FRRS1L: variants seen among roughly 807,000 people sequenced by gnomAD.
FRRS1L encodes the protein DOMON domain-containing protein FRRS1L.
A neutral mutation model predicts 28.6 loss-of-function variants in FRRS1L; 22 were observed. The ratio of observed to expected loss-of-function variants is 0.77; its 90% CI spans 0.55 to 1.10. The LOEUF (loss-of-function observed/expected upper bound fraction) is 1.10, where lower values mean the gene tolerates loss of function less well. FRRS1L is among the 50% of genes least tolerant of loss of function. The pLI is 0.00. For missense variants in FRRS1L, 380 were observed against 386.9 expected, an observed-to-expected ratio of 0.98 and a Z score of 0.15; for synonymous variants, 158 against 151.4, an observed-to-expected ratio of 1.04 and a Z score of -0.32.
chr9:109,131,533 A>C lies in FRRS1L; in HGVS notation c.*5922T>G, dbSNP rs1831056427. The C allele has an allele frequency of 6.6e-6, 1 of 152,248 alleles. No individual in the cohort carries two copies. The highest frequency in any genetic ancestry group is 6.5e-5 in the Admixed American group (1 of 15,286). 9.4% of individuals were successfully genotyped at this position (152,248 alleles called of 1,614,324 possible). On this transcript the variant is annotated 3_prime_UTR_variant, in exon 5 of 5. Transcript: ENST00000561981. ...AAACACACACCATCATGTATGTACA[A>C]ATATACACATGCTCCTCAAGTTACA...
At chr9:109,160,762 C>T (rs1376846918) in intron 1 of FRRS1L, among the ~76,000 whole-genome samples, 1 of 151,334 alleles carries the variant, frequency 6.6e-6, no homozygotes, top group East Asian at 1.9e-4. Context: ...ACTCCTTCTG[C>T]CCTGCCGCCA....
intron 4 of FRRS1L, 119 bp downstream of exon 4, chr9:109,141,224 C>G: frequency 1.8e-6 from 2 of 1,122,950 alleles, no homozygotes; most frequent in Non-Finnish European, 2.6e-6. Context: ...ATCTCCTTTT[C>G]CTTTAAATGA....
Position 109,137,392 on chromosome 9 carries a change from T to C in FRRS1L, c.*63A>G. ...AGCTAAAATTATACTGGATATTCTT[T>C]AAAAAATATATTTATACTAAAGACT... is the stretch of plus-strand genomic sequence containing the variant. On this transcript the variant is annotated 3_prime_UTR_variant, in exon 5 of 5. Coordinates refer to ENST00000561981, the MANE Select transcript of FRRS1L (RefSeq NM_014334.4). 1 of 1,057,054 alleles carries C rather than the reference T, an allele frequency of 9.5e-7. No individual in the cohort carries two copies. Among genetic ancestry groups the C allele is most frequent in the Middle Eastern group, 2.4e-4 (1 of 4,254 alleles). 65.5% of individuals were successfully genotyped at this position (1,057,054 alleles called of 1,614,324 possible).
At chr9:109,153,529 A>G (rs1461254489) in intron 1 of FRRS1L, among the ~76,000 whole-genome samples, 1 of 152,178 alleles carries the variant, frequency 6.6e-6, no homozygotes, top group Non-Finnish European at 1.5e-5. Context: ...CCTGAGTTGT[A>G]TCCTTTATAA....
intron 1 of FRRS1L, chr9:109,151,508 G>A: frequency 5.1e-6 from 1 of 195,188 alleles, no homozygotes; most frequent in East Asian, 1.4e-4. Context: ...CGCTCCTTAT[G>A]AGAATCTAAT....
In FRRS1L at chr9:109,146,151, C is replaced by T. The variant is rs1000376939; in HGVS notation, c.462+900G>A. Among the ~76,000 whole-genome samples, 4 of 152,246 alleles carry T rather than the reference C, an allele frequency of 2.6e-5. No individual in the cohort carries two copies. The South Asian group carries it at 8.3e-4, about 32-fold the overall frequency. On this transcript the variant is annotated intron_variant, in intron 3 of 4. Transcript: ENST00000561981. ...GGTGCAGGCTGCAATGAGCCAAGGT[C>T]ACACCATTGCACTCCAGCCTGGGCA...
chr9:109,149,175 C>T (rs940982053), intron 2 of FRRS1L, among the ~76,000 whole-genome samples: 7 of 152,196 alleles, frequency 4.6e-5, no homozygotes, highest in African/African-American at 1.4e-4. Context: ...TAGAGACTCA[C>T]CATGCCTGAG....
intron 1 of FRRS1L, among the ~76,000 whole-genome samples, chr9:109,164,065 C>T (rs1191480111): frequency 6.6e-6 from 1 of 152,204 alleles, no homozygotes; most frequent in African/African-American, 2.4e-5. Flanking sequence ...TCCTCAGCCC[C>T]CGCTTTTAAG....
rs185550474 is a variant in FRRS1L at position 109,143,825 on chromosome 9, T to A, written c.463-2236A>T. On this transcript the variant is annotated intron_variant, in intron 3 of 4. Coordinates refer to ENST00000561981, the MANE Select transcript of FRRS1L (RefSeq NM_014334.4). The stretch of plus-strand genomic sequence containing the variant: ...CGCCCGGCTAATAATGTACCATTTT[T>A]AAAAAGTTAAACGCTTTTAAAAAGG... 3.3e-5 allele frequency among the ~76,000 whole-genome samples: 5 copies of A among 152,224 alleles called. No individual in the cohort carries two copies. In the East Asian group the frequency reaches 9.7e-4, roughly 29 times the overall value.
Position 109,151,488 on chromosome 9 carries a change from G to T in FRRS1L, c.239-1768C>A, listed in dbSNP as rs193107021. 7.6e-5 allele frequency: 13 copies of T among 171,762 alleles called. No individual in the cohort carries two copies. The East Asian group carries it at 2.0e-3, about 26-fold the overall frequency. 10.6% of individuals were successfully genotyped at this position (171,762 alleles called of 1,614,324 possible). The stretch of plus-strand genomic sequence containing the variant: ...ATTGTGAACTGCATATGTGAAGGAT[G>T]TAGGTTGTACGCTCCTTATGAGAAT... On this transcript the variant is annotated intron_variant, in intron 1 of 4. Transcript: ENST00000561981.
chr9:109,154,323 G>A (rs982816694), intron 1 of FRRS1L, among the ~76,000 whole-genome samples: 6 of 152,110 alleles, frequency 3.9e-5, no homozygotes, highest in African/African-American at 9.7e-5. Flanking sequence ...CTCCAGTCCC[G>A]CAACTTCTTG....
chr9:109,159,944 C>T (rs1831460087), intron 1 of FRRS1L, among the ~76,000 whole-genome samples: 1 of 152,186 alleles, frequency 6.6e-6, no homozygotes, highest in African/African-American at 2.4e-5. Context: ...TACATAGATA[C>T]ATATCCTATT....
At chr9:109,153,925 T>C (rs958842990) in intron 1 of FRRS1L, among the ~76,000 whole-genome samples, 1 of 152,364 alleles carries the variant, frequency 6.6e-6, no homozygotes, top group Non-Finnish European at 1.5e-5. Context: ...CTGAGTACTC[T>C]GCAAACCATT....
intron 1 of FRRS1L, among the ~76,000 whole-genome samples, chr9:109,152,390 C>T (rs75544019): frequency 0.024 from 3,617 of 152,012 alleles, 58 homozygotes; most frequent in East Asian, 0.092. Context: ...CCTCGTGATC[C>T]GCCTGCCTCA....
At chr9:109,149,357 T>C (rs905893015) in intron 2 of FRRS1L, among the ~76,000 whole-genome samples, 4 of 152,210 alleles carry the variant, frequency 2.6e-5, no homozygotes, top group African/African-American at 9.6e-5. Context: ...CACATGAGTC[T>C]TCTGCATATC....
Position 109,141,428 on chromosome 9 carries a change from G to T in FRRS1L, c.624C>A (p.Arg208=), listed in dbSNP as rs774532898. 2 of 1,614,052 alleles carry T rather than the reference G, an allele frequency of 1.2e-6. No homozygotes were observed. Among genetic ancestry groups the T allele is most frequent in the Non-Finnish European group, 1.7e-6 (2 of 1,179,950 alleles). Residue 208 remains arginine (R), a synonymous_variant, in exon 4 of 5, where the codon CGC becomes CGA. Transcript: ENST00000561981. ...TTTCATCTCTGGGAACATTCACAGGGCGTTTAAATCTGCAGGTGACGCGAT... is the reference window on the plus strand; with the variant it reads ...TTTCATCTCTGGGAACATTCACAGGTCGTTTAAATCTGCAGGTGACGCGAT... ...ENNRVTCRFK[R]PVNVPRDETI...
At position 109,155,191 on chromosome 9, in the gene FRRS1L, C is replaced by A. The variant is rs543492322; in HGVS notation, c.239-5471G>T. Among the ~76,000 whole-genome samples, 13 of 152,312 alleles carry A rather than the reference C, an allele frequency of 8.5e-5. No homozygotes were observed. The South Asian group carries it at 2.7e-3, about 32-fold the overall frequency. ...CCAGTGAGGGCCCACTGAAACTTACCATTCACCTCTATGTTTATTTTTACA... is the reference window on the plus strand; with the variant it reads ...CCAGTGAGGGCCCACTGAAACTTACAATTCACCTCTATGTTTATTTTTACA... On this transcript the variant is annotated intron_variant, in intron 1 of 4. Transcript: ENST00000561981.
In FRRS1L at chr9:109,167,110, C is replaced by T. The variant is rs1294034535; in HGVS notation, c.29G>A (p.Gly10Glu). MARPPRQHP[G>E]VWASLLLLLL... Reference sequence around the variant, plus strand: ...CAGCAGGAGCAGCGACGCCCAGACCCCCGGGTGCTGCCGGGGCGGCCGCGC... The same window carrying T: ...CAGCAGGAGCAGCGACGCCCAGACCTCCGGGTGCTGCCGGGGCGGCCGCGC... Residue 10 changes from glycine to glutamate, a missense_variant, in exon 1 of 5, where the codon GGG becomes GAG. Physicochemically the swap from Gly to Glu is moderately conservative, Grantham distance 98. Coordinates refer to ENST00000561981, the MANE Select transcript of FRRS1L (RefSeq NM_014334.4). 8.5e-7 allele frequency: 1 copy of T among 1,174,374 alleles called. No homozygotes were observed. Among genetic ancestry groups the T allele is most frequent in the Non-Finnish European group, 1.0e-6 (1 of 952,482 alleles). 72.7% of individuals were successfully genotyped at this position (1,174,374 alleles called of 1,614,324 possible).
chr9:109,157,559 A>G (rs1831426920), intron 1 of FRRS1L, among the ~76,000 whole-genome samples: 1 of 151,928 alleles, frequency 6.6e-6, no homozygotes, highest in East Asian at 1.9e-4. Flanking sequence ...GCTAATTTTT[A>G]AATTTTTTTG....
Sources: gnomAD v4.1 joint callset for allele counts (sites outside exome capture counted in the v4.1 genomes callset) on GRCh38, gnomAD v4.1.1 for gene constraint, MANE v1.5 for transcripts, NCBI Gene and HGNC (gene_info 2026-07-23, HGNC 2026-07-21) for gene names.